The following CDC42 variants were observed in gnomAD, a reference collection of about 807,000 sequenced individuals.
The protein encoded by CDC42 is cell division control protein 42 homolog.
A neutral mutation model predicts 20.8 loss-of-function variants in CDC42; 1 was observed. The ratio of observed to expected loss-of-function variants is 0.05; its 90% CI spans 0.02 to 0.23. The LOEUF is 0.23. CDC42 is among the 10% of genes least tolerant of loss of function. CDC42 has a pLI of 1.00. For missense variants in CDC42, 49 were observed against 227.9 expected (o/e 0.21, Z 5.05); for synonymous variants, 72 against 84.8 (o/e 0.85, Z 0.83).
chr1:22,062,415 T>C (rs1465959775), intron 1 of CDC42, among the ~76,000 whole-genome samples: 2 of 152,230 alleles, frequency 1.3e-5, no homozygotes, highest in African/African-American at 4.8e-5. Context: ...TCACGTTTGC[T>C]GCCTAGGTAA....
chr1:22,100,721 G>C lies in CDC42; in HGVS notation c.*9204G>C, dbSNP rs1006288402. 1 of 152,200 alleles carries C rather than the reference G, an allele frequency of 6.6e-6. No homozygotes were observed. The highest frequency in any genetic ancestry group is 2.4e-5 in the African/African-American group (1 of 41,440). The allele number at this position is 152,200 out of a possible 1,614,324, so 9.4% of individuals were successfully genotyped here. A position where few individuals can be genotyped will look rare whatever the true frequency, so the allele number is the denominator to read the frequency against. On this transcript the variant is annotated 3_prime_UTR_variant, in exon 6 of 6. Coordinates refer to ENST00000656825, the MANE Select transcript of CDC42 (RefSeq NM_001791.4). Reference sequence around the variant, plus strand: ...CTGGGTCTTAAACTGCTGTATCAGTGAGGGGCTTCCTCCTCATACTCATTG... The same window carrying C: ...CTGGGTCTTAAACTGCTGTATCAGTCAGGGGCTTCCTCCTCATACTCATTG...
intron 5 of CDC42, chr1:22,090,020 C>T: frequency 6.2e-7 from 1 of 1,613,938 alleles, no homozygotes; most frequent in Non-Finnish European, 8.5e-7. Flanking sequence ...AAAGGAAGTG[C>T]TGTATATTCT....
intron 1 of CDC42, among the ~76,000 whole-genome samples, chr1:22,069,161 A>AT (rs1182814935): frequency 2.9e-5 from 4 of 137,766 alleles, no homozygotes; most frequent in African/African-American, 1.1e-4. Context: ...TGTAATCTCC[A>AT]TTTTATTCCT....
intron 1 of CDC42, among the ~76,000 whole-genome samples, chr1:22,064,986 G>A (rs1645406058): frequency 6.7e-6 from 1 of 150,282 alleles, no homozygotes. Flanking sequence ...CCGCTAAATT[G>A]CCTGCATATT....
chr1:22,073,035 G>A (rs574724789), intron 1 of CDC42, among the ~76,000 whole-genome samples: 250 of 152,266 alleles, frequency 1.6e-3, no homozygotes, highest in African/African-American at 4.9e-3. Flanking sequence ...CGGGAAAATA[G>A]GGCATTTGTA....
rs541695366 is a variant in CDC42, at chr1:22,094,267, G to A, written c.*2750G>A. 5.9e-5 allele frequency among the ~76,000 whole-genome samples: 8 copies of A among 136,714 alleles called. No homozygotes were observed. Among genetic ancestry groups the A allele is most frequent in the African/African-American group, 2.2e-4 (8 of 36,742 alleles). 89.7% of individuals were successfully genotyped at this position (136,714 alleles called of 152,430 possible). ...GTTAATATATTATTGCTATTTATAA[G>A]TGTTTTACTGAACATCCTAGAAATA... On this transcript the variant is annotated 3_prime_UTR_variant, in exon 6 of 6. Transcript: ENST00000656825.
At chr1:22,072,940 A>G (rs1645507914) in intron 1 of CDC42, among the ~76,000 whole-genome samples, 1 of 152,158 alleles carries the variant, frequency 6.6e-6, no homozygotes, top group Non-Finnish European at 1.5e-5. Context: ...TGAGAATATA[A>G]ATTTTTTGTA....
intron 1 of CDC42, chr1:22,068,406 A>G (rs529023717): frequency 6.5e-6 from 1 of 153,398 alleles, no homozygotes; most frequent in Non-Finnish European, 1.5e-5. Flanking sequence ...CATTGTCTTC[A>G]TAATTGGCTT....
chr1:22,073,659 A>C (rs1463996866), intron 1 of CDC42, among the ~76,000 whole-genome samples: 1 of 152,174 alleles, frequency 6.6e-6, no homozygotes. Context: ...GATTGGCAGA[A>C]TCATTTTAAA....
chr1:22,081,424 A>G (rs905853197), intron 2 of CDC42, among the ~76,000 whole-genome samples: 6 of 152,240 alleles, frequency 3.9e-5, no homozygotes, highest in Non-Finnish European at 5.9e-5. Flanking sequence ...TCAAACTTGA[A>G]CAGGTTCATT....
chr1:22,073,845 C>G (rs1373067012), intron 1 of CDC42, among the ~76,000 whole-genome samples: 2 of 150,510 alleles, frequency 1.3e-5, no homozygotes, highest in South Asian at 2.1e-4. Context: ...GAGATGGGGT[C>G]TCACTCTGTT....
chr1:22,082,147 A>G (rs1373909413), intron 3 of CDC42, among the ~76,000 whole-genome samples: 5 of 152,150 alleles, frequency 3.3e-5, no homozygotes, highest in Non-Finnish European at 7.4e-5. Context: ...ATTCATAGGA[A>G]TCATGCCCAC....
chr1:22,098,095 A>G lies in CDC42; in HGVS notation c.*6578A>G, dbSNP rs1207389971. On this transcript the variant is annotated 3_prime_UTR_variant, in exon 6 of 6. Coordinates refer to ENST00000656825, the MANE Select transcript of CDC42 (RefSeq NM_001791.4). ...GAACTGTGGATCACTTGTCTCAGTC[A>G]TCAGGATTCCTGGACCCTGTAGGAT... 1.3e-5 allele frequency among the ~76,000 whole-genome samples: 2 copies of G among 152,214 alleles called. No individual in the cohort carries two copies. The highest frequency in any genetic ancestry group is 2.1e-4 in the South Asian group (1 of 4,830).
At chr1:22,055,147 G>C (rs1318514001) in intron 1 of CDC42, among the ~76,000 whole-genome samples, 1 of 150,450 alleles carries the variant, frequency 6.6e-6, no homozygotes, top group Non-Finnish European at 1.5e-5. Context: ...TAGAGACGGG[G>C]TTTCACGGTG....
intron 2 of CDC42, chr1:22,078,932 C>G (rs1229095300): frequency 2.0e-6 from 2 of 1,004,930 alleles, no homozygotes; most frequent in Admixed American, 4.2e-5. Context: ...TTGATCAGTA[C>G]TTGGAGGTCT....
Position 22,097,890 on chromosome 1 carries a change from C to G in CDC42, c.*6373C>G, listed in dbSNP as rs1645767617. ...GTCATAGTCTCATAGGTGATTTCCC[C>G]AAAAGCAAATAAATGCTCGATGGAT... On this transcript the variant is annotated 3_prime_UTR_variant, in exon 6 of 6. Coordinates refer to ENST00000656825, the MANE Select transcript of CDC42 (RefSeq NM_001791.4). Among the ~76,000 whole-genome samples, 1 of 152,186 alleles carries G rather than the reference C, an allele frequency of 6.6e-6. No individual in the cohort carries two copies. Among genetic ancestry groups the G allele is most frequent in the Non-Finnish European group, 1.5e-5 (1 of 68,042 alleles).
intron 1 of CDC42, among the ~76,000 whole-genome samples, chr1:22,060,032 G>A (rs1026718890): frequency 2.6e-5 from 4 of 152,002 alleles, no homozygotes; most frequent in Admixed American, 6.6e-5. Flanking sequence ...AGCCATCTAC[G>A]TCCTTTTCAA....
At chr1:22,085,229 C>CT (rs1645649443) in intron 3 of CDC42, among the ~76,000 whole-genome samples, 6 of 6,798 alleles carry the variant, frequency 8.8e-4, no homozygotes, top group African/African-American at 3.9e-3. Context: ...GAGACTCTGT[C>CT]TAAAAAAAAA....
rs1340097957 is a variant in CDC42, at chr1:22,097,296, G to A, written c.*5779G>A. Among the ~76,000 whole-genome samples, 8 of 152,090 alleles carry A rather than the reference G, an allele frequency of 5.3e-5. No homozygotes were observed. Among genetic ancestry groups the A allele is most frequent in the African/African-American group, 1.9e-4 (8 of 41,418 alleles). ...TTTCGAGACCAGATCTTACTCTGTCGCCCAGGCTGGAGTGCAGTGGCGTGA... is the reference window on the plus strand; with the variant it reads ...TTTCGAGACCAGATCTTACTCTGTCACCCAGGCTGGAGTGCAGTGGCGTGA... On this transcript the variant is annotated 3_prime_UTR_variant, in exon 6 of 6. Coordinates refer to ENST00000656825, the MANE Select transcript of CDC42 (RefSeq NM_001791.4).
Sources: gnomAD v4.1 joint callset for allele counts (sites outside exome capture counted in the v4.1 genomes callset) on GRCh38, gnomAD v4.1.1 for gene constraint, MANE v1.5 for transcripts, NCBI Gene and HGNC (gene_info 2026-07-23, HGNC 2026-07-21) for gene names.